The following LRRC7 variants were observed in gnomAD, a reference collection of about 807,000 sequenced individuals.
LRRC7 encodes the protein leucine-rich repeat-containing protein 7.
In LRRC7, 23 loss-of-function variants were observed where a neutral mutation model predicts 175.7. The observed-to-expected ratio is 0.13, with a 90% CI of 0.09 to 0.19. The LOEUF (loss-of-function observed/expected upper bound fraction) is 0.19, where lower values mean the gene tolerates loss of function less well. LRRC7 is among the 10% of genes least tolerant of loss of function. The pLI is 1.00. For missense variants in LRRC7, 1,354 were observed against 1,904.7 expected (o/e 0.71, Z 5.38); for synonymous variants, 685 against 680.9 (o/e 1.01, Z -0.09).
At chr1:70,005,490 C>A (rs1655921933) in intron 11 of LRRC7, among the ~76,000 whole-genome samples, 3 of 152,084 alleles carry the variant, frequency 2.0e-5, no homozygotes, top group Admixed American at 1.3e-4. Flanking sequence ...ATTTTCCTAT[C>A]CAAGAGCAAC....
chr1:69,615,100 G>T (rs1041790424), intron 1 of LRRC7, among the ~76,000 whole-genome samples: 1 of 151,868 alleles, frequency 6.6e-6, no homozygotes, highest in Non-Finnish European at 1.5e-5. Flanking sequence ...TAAAATTATT[G>T]TTAAATTTTA....
At chr1:70,086,563 G>A (rs180965178) in intron 24 of LRRC7, among the ~76,000 whole-genome samples, 2 of 152,008 alleles carry the variant, frequency 1.3e-5, no homozygotes, top group East Asian at 3.9e-4. Flanking sequence ...AGAATTACTT[G>A]AGCCCAGGAG....
intron 5 of LRRC7, among the ~76,000 whole-genome samples, chr1:69,827,754 A>C (rs1169219342): frequency 6.6e-6 from 1 of 152,020 alleles, no homozygotes; most frequent in African/African-American, 2.4e-5. Context: ...TGGGAGAATC[A>C]CTTTAGCCTG....
intron 8 of LRRC7, among the ~76,000 whole-genome samples, chr1:69,941,311 T>C (rs2101799163): frequency 6.6e-6 from 1 of 152,226 alleles, no homozygotes; most frequent in African/African-American, 2.4e-5. Context: ...TCGATCTAAC[T>C]CACATCAAAT....
chr1:69,918,458 T>G (rs1293641285), intron 7 of LRRC7, among the ~76,000 whole-genome samples: 4 of 152,234 alleles, frequency 2.6e-5, no homozygotes, highest in Non-Finnish European at 4.4e-5. Context: ...AAAACCCTGT[T>G]ACATATGTTC....
intron 2 of LRRC7, among the ~76,000 whole-genome samples, chr1:69,690,891 T>C (rs77448994): frequency 0.13 from 20,098 of 152,222 alleles, 1,699 homozygotes; most frequent in Admixed American, 0.18. Context: ...CATCATTACA[T>C]TGAAACCCAT....
At chr1:69,896,838 C>T (rs1158058251) in intron 7 of LRRC7, among the ~76,000 whole-genome samples, 2 of 152,030 alleles carry the variant, frequency 1.3e-5, no homozygotes, top group Non-Finnish European at 2.9e-5. Flanking sequence ...ATTCCATGGA[C>T]CCTTAGATGA....
At chr1:69,790,817 T>A (rs924930300) in intron 3 of LRRC7, among the ~76,000 whole-genome samples, 3 of 152,034 alleles carry the variant, frequency 2.0e-5, no homozygotes, top group Admixed American at 2.0e-4. Flanking sequence ...CATTTATATC[T>A]AAGATATTGA....
At chr1:69,896,891 A>C (rs1364763138) in intron 7 of LRRC7, among the ~76,000 whole-genome samples, 5 of 152,102 alleles carry the variant, frequency 3.3e-5, no homozygotes, top group Non-Finnish European at 7.4e-5. Flanking sequence ...GCTTCTGCTC[A>C]AAGGTTAGCC....
At chr1:69,697,038 T>A (rs1053301227) in intron 2 of LRRC7, among the ~76,000 whole-genome samples, 2 of 152,222 alleles carry the variant, frequency 1.3e-5, no homozygotes, top group Non-Finnish European at 2.9e-5. Flanking sequence ...TCTGGGTCTA[T>A]CCTTTTGCTC....
At chr1:69,578,905 T>A (rs1646078204) in intron 1 of LRRC7, among the ~76,000 whole-genome samples, 2 of 151,076 alleles carry the variant, frequency 1.3e-5, no homozygotes, top group African/African-American at 4.9e-5. Context: ...AACCTGCACA[T>A]TGTGCACATG....
At chr1:69,696,385 C>A (rs2103940) in intron 2 of LRRC7, among the ~76,000 whole-genome samples, 1 of 152,148 alleles carries the variant, frequency 6.6e-6, no homozygotes, top group African/African-American at 2.4e-5. Context: ...ACCATTATAT[C>A]TTGGAAGTAA....
At chr1:69,638,714 T>C (rs752779450) in intron 1 of LRRC7, among the ~76,000 whole-genome samples, 27 of 151,836 alleles carry the variant, frequency 1.8e-4, no homozygotes, top group Non-Finnish European at 3.4e-4. Flanking sequence ...TTTGGAACCA[T>C]AGAGATCTGT....
In LRRC7 at chr1:70,015,352, G is replaced by A. The variant is rs562455286; in HGVS notation, c.1251-1113G>A. On this transcript the variant is annotated intron_variant, in intron 13 of 26. Transcript: ENST00000651989. ...TTTTAAGAAGTGTTTAACTGCTTTCGCTCATAAAATTAACTATAAAATTAA... is the reference window on the plus strand; with the variant it reads ...TTTTAAGAAGTGTTTAACTGCTTTCACTCATAAAATTAACTATAAAATTAA... Among the ~76,000 whole-genome samples the A allele has an allele frequency of 2.0e-3, 297 of 151,534 alleles. 1 individual carries two copies. The highest frequency in any genetic ancestry group is 5.2e-3 in the Admixed American group (79 of 15,222).
Position 69,910,640 on chromosome 1 carries a change from C to T in LRRC7, c.648-20867C>T, listed in dbSNP as rs534009375. ...GGAGGTGCCTCCCAGTTAGGCTGCT[C>T]GGGGGTCAAGGACCTGCTTCAGGAG... On this transcript the variant is annotated intron_variant, in intron 7 of 26. Transcript: ENST00000651989. Among the ~76,000 whole-genome samples, 139 of 152,296 alleles carry T rather than the reference C, an allele frequency of 9.1e-4. No homozygotes were observed. In the Middle Eastern group the frequency reaches 0.01, roughly 11 times the overall value.
chr1:70,044,366 T>C (rs56397443), intron 22 of LRRC7, among the ~76,000 whole-genome samples: 19,502 of 152,106 alleles, frequency 0.13, 1,712 homozygotes, highest in African/African-American at 0.24. Context: ...AAGGTTCATT[T>C]TTCTTATTAT....
intron 1 of LRRC7, among the ~76,000 whole-genome samples, chr1:69,584,075 C>T (rs1646308275): frequency 6.6e-6 from 1 of 152,090 alleles, no homozygotes. Context: ...TGGTTTTGTA[C>T]TTGTCAATGC....
intron 2 of LRRC7, among the ~76,000 whole-genome samples, chr1:69,706,230 C>T (rs1664024404): frequency 6.6e-6 from 1 of 152,074 alleles, no homozygotes; most frequent in Non-Finnish European, 1.5e-5. Context: ...TTTACTGATT[C>T]CATTTTGCTT....
chr1:69,830,769 C>G (rs749442161), intron 5 of LRRC7, among the ~76,000 whole-genome samples: 58 of 151,820 alleles, frequency 3.8e-4, no homozygotes, highest in Non-Finnish European at 7.7e-4. Context: ...ACTATGTAAT[C>G]GTATTCTTAA....
Sources: allele counts gnomAD v4.1 joint callset (sites outside exome capture counted in the v4.1 genomes callset), GRCh38; gene constraint gnomAD v4.1.1; transcripts MANE v1.5; gene names NCBI Gene and HGNC (gene_info 2026-07-23, HGNC 2026-07-21).